The following PLEKHM3 variants were observed in gnomAD, a reference collection of about 807,000 sequenced individuals.
PLEKHM3 encodes pleckstrin homology domain containing M3, also known as pleckstrin homology domain-containing family M member 3.
In PLEKHM3, 45 loss-of-function variants were observed where a neutral mutation model predicts 81.8. That is an observed-to-expected ratio of 0.55 (90% CI 0.43 to 0.71). PLEKHM3 has a LOEUF of 0.71. PLEKHM3 is among the 30% of genes least tolerant of loss of function. The pLI is 0.00. For missense variants in PLEKHM3, 788 were observed against 924.3 expected (o/e 0.85, Z 1.91); for synonymous variants, 352 against 356.4 (o/e 0.99, Z 0.14).
chr2:207,860,512 A>G (rs1006902550), intron 7 of PLEKHM3, among the ~76,000 whole-genome samples: 1 of 152,294 alleles, frequency 6.6e-6, no homozygotes, highest in East Asian at 1.9e-4. Flanking sequence ...AGGAAAAGTA[A>G]TATGTATCAT....
At position 207,914,947 on chromosome 2, in the gene PLEKHM3, C is replaced by T. The variant is rs189703551; in HGVS notation, c.1887-6370G>A. ...CTGCTTATGCCAATGCAAGCCCTGA[C>T]ACCAGAGCCAAAGAATAAATGAGAT... On this transcript the variant is annotated intron_variant, in intron 5 of 7. Transcript: ENST00000427836. Among the ~76,000 whole-genome samples, 20 of 152,288 alleles carry T rather than the reference C, an allele frequency of 1.3e-4. No homozygotes were observed. In the East Asian group the frequency reaches 3.7e-3, roughly 28 times the overall value.
chr2:208,016,666 A>C (rs1201403527), intron 1 of PLEKHM3, among the ~76,000 whole-genome samples: 2 of 34,054 alleles, frequency 5.9e-5, no homozygotes, highest in Admixed American at 4.4e-4. Context: ...AAAAAAAAAA[A>C]AAATACACAC....
At chr2:207,920,653 A>AT (rs58599860) in intron 5 of PLEKHM3, among the ~76,000 whole-genome samples, 31,318 of 138,918 alleles carry the variant, frequency 0.23, 3,849 homozygotes, top group Middle Eastern at 0.36. Flanking sequence ...CAGTTTGCCT[A>AT]TTTTTTTTTT....
At chr2:207,902,831 TCCACCCACCCAC>T (rs112067461) in intron 6 of PLEKHM3, among the ~76,000 whole-genome samples, 2 of 20,120 alleles carry the variant, frequency 9.9e-5, no homozygotes, top group Non-Finnish European at 3.2e-4. Flanking sequence ...CACCCACCCA[TCCACCCACCCAC>T]CCATCCACCC....
At chr2:207,848,407 A>G (rs2092395868) in intron 7 of PLEKHM3, among the ~76,000 whole-genome samples, 1 of 152,202 alleles carries the variant, frequency 6.6e-6, no homozygotes, top group Non-Finnish European at 1.5e-5. Context: ...AGGCAAAATC[A>G]TCTCCACATT....
At chr2:207,828,559 C>T (rs1418339452) in intron 7 of PLEKHM3, 63 bp from the exon 8 acceptor site, 1 of 1,532,280 alleles carries the variant, frequency 6.5e-7, no homozygotes, top group African/African-American at 1.4e-5. Flanking sequence ...AAATGGGAAG[C>T]CCTGTGGCCT....
At chr2:207,962,497 G>C (rs543822758) in intron 3 of PLEKHM3, among the ~76,000 whole-genome samples, 5 of 152,312 alleles carry the variant, frequency 3.3e-5, no homozygotes, top group African/African-American at 1.2e-4. Flanking sequence ...TGTATGTATA[G>C]CATTTTCCTG....
chr2:207,989,942 T>G (rs754648217), intron 2 of PLEKHM3, among the ~76,000 whole-genome samples: 1 of 152,176 alleles, frequency 6.6e-6, no homozygotes, highest in Non-Finnish European at 1.5e-5. Context: ...GGAGCAGATC[T>G]GGGGGAGCGG....
chr2:207,896,423 G>C (rs1431376458), intron 6 of PLEKHM3, among the ~76,000 whole-genome samples: 2 of 152,104 alleles, frequency 1.3e-5, no homozygotes, highest in Non-Finnish European at 2.9e-5. Flanking sequence ...TCCCTACCCG[G>C]GTTAAGTTAA....
intron 3 of PLEKHM3, among the ~76,000 whole-genome samples, chr2:207,968,600 G>A (rs6715281): frequency 0.053 from 8,135 of 152,182 alleles, 708 homozygotes; most frequent in African/African-American, 0.18. Context: ...AGCACAACCT[G>A]CACCTCATTC....
intron 6 of PLEKHM3, chr2:207,870,022 G>A (rs1192916349): frequency 2.6e-5 from 4 of 152,150 alleles, no homozygotes; most frequent in Admixed American, 2.6e-4. Context: ...ATAACCTAGT[G>A]CTGCCTTCCC....
In PLEKHM3 at chr2:207,976,272, T is replaced by C. The variant is rs1185277300; in HGVS notation, c.1546+379A>G. ...TAGTAGTCAGCTTTGGACTTGAATG[T>C]TTCTTATGAGACAATTTGTGACATC... On this transcript the variant is annotated intron_variant, in intron 3 of 7. Coordinates refer to ENST00000427836, the MANE Select transcript of PLEKHM3 (RefSeq NM_001080475.3). This position sits in a 1 kb window ranked among gnomAD's most constrained non-coding sequence, Gnocchi z 4.1. Among the ~76,000 whole-genome samples the C allele has an allele frequency of 6.6e-6, 1 of 152,232 alleles. No individual in the cohort carries two copies. Among genetic ancestry groups the C allele is most frequent in the Non-Finnish European group, 1.5e-5 (1 of 68,042 alleles).
chr2:207,987,956 C>T (rs117983480), intron 2 of PLEKHM3, among the ~76,000 whole-genome samples: 1 of 152,330 alleles, frequency 6.6e-6, no homozygotes, highest in East Asian at 1.9e-4. Context: ...ATCACACCAT[C>T]ATCTATATTC....
rs1689586242 is a variant in PLEKHM3, at chr2:207,931,154, A to G, written c.1693-35T>C. ...AAGCGTCGTCAGTCAGTCCTGGAGA[A>G]GCACCTGGCTCTCCACACCTGCTCA... is the stretch of plus-strand genomic sequence containing the variant. On this transcript the variant is annotated intron_variant, in intron 4 of 7. Coordinates refer to ENST00000427836, the MANE Select transcript of PLEKHM3 (RefSeq NM_001080475.3). 4 of 1,556,952 alleles carry G rather than the reference A, an allele frequency of 2.6e-6. No individual in the cohort carries two copies. In the African/African-American group the frequency reaches 4.1e-5, roughly 16 times the overall value.
rs939825398 is a variant in PLEKHM3, at chr2:207,920,931, A to G, written c.1886+9995T>C. Among the ~76,000 whole-genome samples, 5 of 152,174 alleles carry G rather than the reference A, an allele frequency of 3.3e-5. No individual in the cohort carries two copies. The East Asian group carries it at 9.6e-4, about 29-fold the overall frequency. On this transcript the variant is annotated intron_variant, in intron 5 of 7. Coordinates refer to ENST00000427836, the MANE Select transcript of PLEKHM3 (RefSeq NM_001080475.3). ...GAGCACAGGAGTGCCCGTCTCAGCA[A>G]TCCGCCTCCCTGTTCAAGGGACACC... is the stretch of plus-strand genomic sequence containing the variant.
rs1235482345 is a variant in PLEKHM3, at chr2:207,923,903, A to ATTTTTTT, written c.1886+7022_1886+7023insAAAAAAA. On this transcript the variant is annotated intron_variant, in intron 5 of 7. Transcript: ENST00000427836. ...CACATATATATATATATATATATAT[A>ATTTTTTT]TATTTTTTTTTTTTTTTTTTTCTGA... Among the ~76,000 whole-genome samples, 37 of 59,816 alleles carry ATTTTTTT rather than the reference A, an allele frequency of 6.2e-4. 1 individual carries two copies. Among genetic ancestry groups the ATTTTTTT allele is most frequent in the East Asian group, 1.3e-3 (3 of 2,256 alleles). The allele number at this position is 59,816 out of a possible 152,430, so 39.2% of individuals were successfully genotyped here.
intron 6 of PLEKHM3, among the ~76,000 whole-genome samples, chr2:207,893,361 T>C (rs1028693129): frequency 3.3e-5 from 5 of 152,224 alleles, no homozygotes; most frequent in African/African-American, 1.2e-4. Context: ...ATTCCTTTTG[T>C]GACCACTGAC....
At chr2:207,846,261 C>A (rs1009363650) in intron 7 of PLEKHM3, among the ~76,000 whole-genome samples, 2 of 152,048 alleles carry the variant, frequency 1.3e-5, no homozygotes, top group African/African-American at 4.8e-5. Context: ...TCTGCCTCAG[C>A]CTCTCAAGTA....
intron 5 of PLEKHM3, among the ~76,000 whole-genome samples, chr2:207,910,322 G>C (rs1688772089): frequency 6.6e-6 from 1 of 152,218 alleles, no homozygotes; most frequent in African/African-American, 2.4e-5. Context: ...GAGGGACCAT[G>C]AGATGTAATC....
Sources: gnomAD v4.1 joint callset for allele counts (sites outside exome capture counted in the v4.1 genomes callset) on GRCh38, gnomAD v4.1.1 for gene constraint, Gnocchi (gnomAD v3.1) non-coding constraint, MANE v1.5 for transcripts, NCBI Gene and HGNC (gene_info 2026-07-23, HGNC 2026-07-21) for gene names.